WRN: variants seen among roughly 807,000 people sequenced by gnomAD.
WRN encodes the protein WRN RecQ like helicase, also known as bifunctional 3'-5' exonuclease/ATP-dependent helicase WRN.
Under a neutral mutation model 180.7 loss-of-function variants are expected in WRN, and 149 were observed. That is an observed-to-expected ratio of 0.82 (90% CI 0.72 to 0.94). WRN has a LOEUF of 0.94. Ranked by LOEUF, WRN falls within the 40% of genes least tolerant of loss-of-function variation. WRN has a pLI of 0.00. For synonymous variants in WRN, 548 were observed against 568.9 expected, an observed-to-expected ratio of 0.96 and a Z score of 0.52; for missense variants, 1,661 against 1,700.1, an observed-to-expected ratio of 0.98 and a Z score of 0.40.
intron 3 of WRN, among the ~76,000 whole-genome samples, chr8:31,063,680 A>T (rs769159191): frequency 5.9e-5 from 9 of 152,204 alleles, no homozygotes; most frequent in Non-Finnish European, 1.2e-4. Flanking sequence ...TTCTAGTGAG[A>T]AGTAGTGTCT....
intron 17 of WRN, among the ~76,000 whole-genome samples, chr8:31,097,089 T>A (rs1195496721): frequency 6.6e-6 from 1 of 152,224 alleles, no homozygotes. Flanking sequence ...ATCTGTTTTC[T>A]TCTGCTAGGC....
chr8:31,155,469 A>G (rs1344158182), intron 32 of WRN, among the ~76,000 whole-genome samples: 1 of 152,026 alleles, frequency 6.6e-6, no homozygotes. Context: ...TAAAAATACA[A>G]AAATTAGCTG....
intron 30 of WRN, among the ~76,000 whole-genome samples, chr8:31,149,392 G>A (rs1180344111): frequency 2.9e-5 from 4 of 138,318 alleles, no homozygotes; most frequent in South Asian, 2.3e-4. Flanking sequence ...GCGAGACTCC[G>A]TCTAAAAAAA....
rs200380997 is a variant in WRN at position 31,083,770 on chromosome 8, G to A, written c.1341G>A (p.Glu447=). 9.2e-5 allele frequency: 144 copies of A among 1,558,724 alleles called. No individual in the cohort carries two copies. Among genetic ancestry groups the A allele is most frequent in the Non-Finnish European group, 1.2e-4 (140 of 1,129,420 alleles). The change falls in exon 10 of 35, where the codon GAG becomes GAA. Residue 447 remains glutamate, a synonymous_variant. Coordinates refer to ENST00000298139, the MANE Select transcript of WRN (RefSeq NM_000553.6). The part of the protein sequence containing the change: ...VIESDEDLEM[E]MLKHLSPNDN... ...AGAGTGATGAAGATTTAGAAATGGA[G>A]ATGCTTAAGGTATGTTTACAATTAT...
At chr8:31,074,020 T>G (rs1813008118) in intron 7 of WRN, among the ~76,000 whole-genome samples, 1 of 151,688 alleles carries the variant, frequency 6.6e-6, no homozygotes, top group Admixed American at 6.6e-5. Flanking sequence ...AGGTTCACAC[T>G]ATTCTCCTGC....
chr8:31,116,317 T>C (rs1266509636), intron 19 of WRN, 37 bp from the exon 20 acceptor site: 1 of 1,607,236 alleles, frequency 6.2e-7, no homozygotes, highest in Non-Finnish European at 8.5e-7. Context: ...ATGTATAAAG[T>C]ATATATGTTT....
chr8:31,058,138 CA>C (rs1812345157), intron 1 of WRN, among the ~76,000 whole-genome samples: 1 of 152,028 alleles, frequency 6.6e-6, no homozygotes, highest in South Asian at 2.1e-4. Context: ...GAGAAAGACT[CA>C]AAGTCATAAA....
rs1272029080 is a variant in WRN at position 31,141,403 on chromosome 8, A to C, written c.2968-27A>C. ...CCTATATGTTTAAATTAGCATTTTT[A>C]GATACTGATTTTATTCCTAATTTCA... On this transcript the variant is annotated intron_variant, in intron 24 of 34. Transcript: ENST00000298139. 4 of 1,613,326 alleles carry C rather than the reference A, an allele frequency of 2.5e-6. No individual in the cohort carries two copies. The African/African-American group carries it at 4.0e-5, about 16-fold the overall frequency.
chr8:31,173,065 T>C lies in WRN; in HGVS notation c.4262T>C (p.Leu1421Ser). The change falls in exon 35 of 35, where the codon TTA (leucine) becomes TCA (serine). Residue 1421 changes from leucine (L) to serine (S), a missense_variant. Physicochemically the swap from Leu to Ser is moderately radical, Grantham distance 145. Around this residue, in one of 3 missense-constraint regions of WRN, gnomAD observed 1,141 missense variants for 1,149.4 expected, o/e 0.99. Transcript: ENST00000298139. ...AAAGGAAGTGATACCAGCAAGAAAT[T>C]AATGGACAAAACGAAAAGGGGAGGT... ...FAKGSDTSKK[L>S]MDKTKRGGLF... is the part of the protein sequence containing the mutation. The C allele has an allele frequency of 6.2e-7, 1 of 1,613,980 alleles. No homozygotes were observed. The highest frequency in any genetic ancestry group is 8.5e-7 in the Non-Finnish European group (1 of 1,179,948).
intron 21 of WRN, among the ~76,000 whole-genome samples, chr8:31,124,117 CAAAAT>C (rs1352776290): frequency 4.6e-5 from 7 of 151,626 alleles, no homozygotes; most frequent in Non-Finnish European, 8.8e-5. Context: ...GTTTCTCATA[CAAAAT>C]AAAATAAAGA....
chr8:31,090,278 G>A (rs1251478110), intron 13 of WRN, among the ~76,000 whole-genome samples, 187 bp from the exon 14 acceptor site: 1 of 151,158 alleles, frequency 6.6e-6, no homozygotes, highest in Non-Finnish European at 1.5e-5. Context: ...AATGGTAGTT[G>A]TTAGTTAGCT....
intron 13 of WRN, among the ~76,000 whole-genome samples, chr8:31,089,573 T>A (rs1429217734): frequency 6.6e-6 from 1 of 151,974 alleles, no homozygotes; most frequent in Non-Finnish European, 1.5e-5. Flanking sequence ...ATCTTAAACA[T>A]TTTTTATTTA....
intron 24 of WRN, among the ~76,000 whole-genome samples, chr8:31,140,901 G>GC (rs1802596343): frequency 6.6e-6 from 1 of 152,008 alleles, no homozygotes; most frequent in African/African-American, 2.4e-5. Flanking sequence ...GACCACAGGT[G>GC]CCCGCCACAA....
intron 12 of WRN, among the ~76,000 whole-genome samples, chr8:31,088,519 G>A (rs192078166): frequency 2.2e-4 from 33 of 151,972 alleles, no homozygotes; most frequent in African/African-American, 7.0e-4. Flanking sequence ...TTTTTAGTGC[G>A]GGACTAATGT....
chr8:31,047,952 T>C (rs1449245081), intron 1 of WRN, among the ~76,000 whole-genome samples: 1 of 152,250 alleles, frequency 6.6e-6, no homozygotes, highest in African/African-American at 2.4e-5. Flanking sequence ...CTTCTCACTA[T>C]GACACAGCAA....
At chr8:31,114,326 A>C (rs1198228435) in intron 19 of WRN, among the ~76,000 whole-genome samples, 2 of 152,184 alleles carry the variant, frequency 1.3e-5, no homozygotes, top group Admixed American at 1.3e-4. Flanking sequence ...AGTACATTTA[A>C]GTGAGATAGA....
chr8:31,133,891 G>A, intron 24 of WRN, among the ~76,000 whole-genome samples: 1 of 152,100 alleles, frequency 6.6e-6, no homozygotes, highest in East Asian at 1.9e-4. Flanking sequence ...GTGTAATCCA[G>A]CCATATCCAG....
At chr8:31,059,723 A>T (rs1411574852) in intron 3 of WRN, among the ~76,000 whole-genome samples, 2 of 152,210 alleles carry the variant, frequency 1.3e-5, no homozygotes, top group African/African-American at 4.8e-5. Flanking sequence ...GTGTGTAATT[A>T]GTAACAGTTG....
chr8:31,049,588 A>G (rs1039641339), intron 1 of WRN, among the ~76,000 whole-genome samples: 9 of 151,958 alleles, frequency 5.9e-5, no homozygotes, highest in Non-Finnish European at 1.3e-4. Context: ...AGAAAGAAGC[A>G]TTGGATAAAT....
Sources: allele counts gnomAD v4.1 joint callset (sites outside exome capture counted in the v4.1 genomes callset), GRCh38; gene constraint gnomAD v4.1.1; regional missense constraint gnomAD v4.1.1; transcripts MANE v1.5; gene names NCBI Gene and HGNC (gene_info 2026-07-23, HGNC 2026-07-21).